The following STARD9 variants were observed in gnomAD, a reference collection of about 807,000 sequenced individuals.
The protein encoded by STARD9 is StAR related lipid transfer domain containing 9.
A neutral mutation model predicts 399.8 loss-of-function variants in STARD9; 346 were observed. The ratio of observed to expected loss-of-function variants is 0.87; its 90% CI spans 0.79 to 0.95. The LOEUF is 0.95. STARD9 is among the 40% of genes least tolerant of loss of function. STARD9 has a pLI of 0.00. For synonymous variants in STARD9, 2,203 were observed against 2,143.5 expected (o/e 1.03, Z -0.77); for missense variants, 5,832 against 5,667.5 (o/e 1.03, Z -0.93).
At chr15:42,678,830 G>T (rs1396096868) in intron 20 of STARD9, among the ~76,000 whole-genome samples, 1 of 152,216 alleles carries the variant, frequency 6.6e-6, no homozygotes, top group Non-Finnish European at 1.5e-5. Flanking sequence ...CAGACATGTA[G>T]TATAAGGTTG....
rs144291102 is a variant in STARD9, at chr15:42,620,421, C to T, written c.235-14435C>T. On this transcript the variant is annotated intron_variant, in intron 3 of 32. Coordinates refer to ENST00000290607, the MANE Select transcript of STARD9 (RefSeq NM_020759.3). ...GTTTGAGCCTGGGAGGTCAAGGCTG[C>T]AGTGAGCTGTGATCACACCACTTCA... Among the ~76,000 whole-genome samples the T allele has an allele frequency of 4.0e-3, 604 of 151,740 alleles. 5 individuals carry two copies. Among genetic ancestry groups the T allele is most frequent in the African/African-American group, 0.014 (578 of 41,338 alleles).
In STARD9 at chr15:42,685,220, G is replaced by A. The variant is rs2060521424; in HGVS notation, c.3642G>A (p.Leu1214=). The A allele has an allele frequency of 6.5e-7, 1 of 1,537,272 alleles. No homozygotes were observed. Among genetic ancestry groups the A allele is most frequent in the Non-Finnish European group, 8.7e-7 (1 of 1,146,932 alleles). Residue 1214 remains leucine (L), a synonymous_variant, in exon 23 of 33, where the codon CTG becomes CTA. Transcript: ENST00000290607. ...LDSLIDAEEE[L]GEDQQEEPFP... ...GCCTGATTGATGCAGAGGAAGAACT[G>A]GGGGAAGATCAGCAAGAAGAACCTT...
At chr15:42,657,123 G>A (rs1302118905) in intron 9 of STARD9, among the ~76,000 whole-genome samples, 6 of 152,114 alleles carry the variant, frequency 3.9e-5, no homozygotes, top group African/African-American at 1.4e-4. Flanking sequence ...TTGGGAAGCC[G>A]AGGTGGATGG....
chr15:42,658,886 G>C (rs2059933677), intron 9 of STARD9, among the ~76,000 whole-genome samples: 1 of 152,178 alleles, frequency 6.6e-6, no homozygotes, highest in Admixed American at 6.5e-5. Context: ...GCCAAGGTGG[G>C]TGGATCACTT....
In STARD9 at chr15:42,693,850, C is replaced by A. The variant is rs1238140666; in HGVS notation, c.12272C>A (p.Ser4091Tyr). Residue 4091 changes from serine to tyrosine, a missense_variant, in exon 23 of 33, where the codon TCT becomes TAT. By Grantham distance (144) the Ser-to-Tyr change is moderately radical. Around this residue, in one of 2 missense-constraint regions of STARD9, gnomAD observed 5,828 missense variants for 5,651.1 expected, o/e 1.03. Coordinates refer to ENST00000290607, the MANE Select transcript of STARD9 (RefSeq NM_020759.3). Reference protein sequence around the residue: ...GLQHLSPCPVSELTDTAGLRG... With the variant: ...GLQHLSPCPVYELTDTAGLRG... ...CAGCACCTCAGCCCCTGCCCTGTCTCTGAGTTGACTGATACTGCAGGGCTC... is the reference window on the plus strand; with the variant it reads ...CAGCACCTCAGCCCCTGCCCTGTCTATGAGTTGACTGATACTGCAGGGCTC... 1 of 1,536,798 alleles carries A rather than the reference C, an allele frequency of 6.5e-7. No individual in the cohort carries two copies. The highest frequency in any genetic ancestry group is 8.7e-7 in the Non-Finnish European group (1 of 1,146,742).
chr15:42,694,677 G>A lies in STARD9; in HGVS notation c.12914G>A (p.Arg4305His), dbSNP rs1400343040. The A allele has an allele frequency of 7.2e-6, 11 of 1,537,034 alleles. No individual in the cohort carries two copies. Among genetic ancestry groups the A allele is most frequent in the Non-Finnish European group, 7.0e-6 (8 of 1,146,908 alleles). The part of the protein sequence containing the change: ...FIWDLDLPSR[R>H]REYLQQLRKD... ...TGGGATCTTGACTTGCCCAGCAGAC[G>A]CCGAGAATACCTGCAGCAACTGAGG... Residue 4305 changes from arginine to histidine, a missense_variant, in exon 24 of 33, where the codon CGC becomes CAC. Around this residue, in one of 2 missense-constraint regions of STARD9, gnomAD observed 5,828 missense variants for 5,651.1 expected, o/e 1.03. Coordinates refer to ENST00000290607, the MANE Select transcript of STARD9 (RefSeq NM_020759.3).
At chr15:42,594,085 G>A (rs1196906320) in intron 3 of STARD9, among the ~76,000 whole-genome samples, 1 of 151,742 alleles carries the variant, frequency 6.6e-6, no homozygotes, top group Non-Finnish European at 1.5e-5. Flanking sequence ...AAGTGAGAGT[G>A]AGAGAGACAG....
chr15:42,685,465 A>C lies in STARD9; in HGVS notation c.3887A>C (p.His1296Pro). The C allele has an allele frequency of 2.0e-6, 3 of 1,530,886 alleles. No homozygotes were observed. The highest frequency in any genetic ancestry group is 2.6e-6 in the Non-Finnish European group (3 of 1,143,788). The allele number at this position is 1,530,886 out of a possible 1,614,324, so 94.8% of individuals were successfully genotyped here. A position where few individuals can be genotyped will look rare whatever the true frequency, so the allele number is the denominator to read the frequency against. Residue 1296 changes from histidine (H) to proline (P), a missense_variant, in exon 23 of 33, where the codon CAT becomes CCT. By Grantham distance (77) the His-to-Pro change is moderately conservative. This residue lies in a region of STARD9 where 5,828 missense variants were observed against 5,651.1 expected (regional missense o/e 1.03). Transcript: ENST00000290607. ...ELQPHCELQP[H>P]CELQPHCEQA... The stretch of plus-strand genomic sequence containing the variant: ...CAACCCCATTGTGAGCTCCAACCCC[A>C]TTGTGAGCTCCAGCCCCATTGTGAG...
Position 42,622,755 on chromosome 15 carries a change from TGTGACATG to T in STARD9, c.235-12098_235-12091del, listed in dbSNP as rs1483083387. 3.9e-5 allele frequency among the ~76,000 whole-genome samples: 6 copies of T among 152,294 alleles called. No individual in the cohort carries two copies. The East Asian group carries it at 1.2e-3, about 29-fold the overall frequency. On this transcript the variant is annotated intron_variant, in intron 3 of 32. Transcript: ENST00000290607. ...TACAAAGATTTTTCAGAGGGAGTCA[TGTGACATG>T]GTTGTTCTCCTGTTTTGTCCAGAGC...
chr15:42,682,711 C>T (rs2060461354), intron 22 of STARD9, 136 bp downstream of exon 22: 1 of 741,060 alleles, frequency 1.3e-6, no homozygotes, highest in South Asian at 2.0e-5. Flanking sequence ...CTCTCTTCCT[C>T]ATGACTTTTT....
chr15:42,651,170 A>G, intron 8 of STARD9, 85 bp downstream of exon 8: 1 of 982,452 alleles, frequency 1.0e-6, no homozygotes, highest in Non-Finnish European at 1.5e-6. Flanking sequence ...GTGTATAATG[A>G]CACTTAAAAT....
In STARD9 at chr15:42,662,784, T is replaced by C. The variant is rs1264150123; in HGVS notation, c.771-10T>C. The C allele has an allele frequency of 4.6e-6, 7 of 1,532,176 alleles. No homozygotes were observed. The South Asian group carries it at 8.4e-5, about 18-fold the overall frequency. The allele number at this position is 1,532,176 out of a possible 1,614,324, so 94.9% of individuals were successfully genotyped here. On this transcript the variant is annotated splice_polypyrimidine_tract_variant and intron_variant, in intron 10 of 32. Transcript: ENST00000290607. The stretch of plus-strand genomic sequence containing the variant: ...GCTTTTGTTTTTGTTTTTCATTGAC[T>C]GTGTTTTAGCGAAAGAGCAGATCCC...
chr15:42,621,000 C>T (rs147950526), intron 3 of STARD9, among the ~76,000 whole-genome samples: 79 of 152,138 alleles, frequency 5.2e-4, no homozygotes, highest in African/African-American at 1.6e-3. Context: ...GTGATCCACC[C>T]GCCTCAGCCT....
intron 3 of STARD9, among the ~76,000 whole-genome samples, chr15:42,624,367 T>C (rs553836839): frequency 7.9e-5 from 12 of 152,224 alleles, no homozygotes; most frequent in African/African-American, 2.9e-4. Flanking sequence ...CAGCTTAGTA[T>C]CCTCATTATA....
At chr15:42,599,709 G>A (rs557724873) in intron 3 of STARD9, among the ~76,000 whole-genome samples, 2 of 152,246 alleles carry the variant, frequency 1.3e-5, no homozygotes, top group South Asian at 4.1e-4. Flanking sequence ...AACATGCCAC[G>A]TTTCCTAGCA....
chr15:42,615,027 T>TTTC (rs1332334873), intron 3 of STARD9, among the ~76,000 whole-genome samples: 3 of 146,994 alleles, frequency 2.0e-5, no homozygotes, highest in Non-Finnish European at 3.0e-5. Context: ...TTTTTTTTTT[T>TTTC]TCCAGGAGTC....
intron 7 of STARD9, among the ~76,000 whole-genome samples, chr15:42,643,602 T>C (rs1595695410): frequency 7.1e-6 from 1 of 141,206 alleles, no homozygotes; most frequent in African/African-American, 3.2e-5. Flanking sequence ...GCGATTCTCC[T>C]GCCTCGGCTG....
At position 42,682,188 on chromosome 15, in the gene STARD9, T is replaced by C. The variant is rs2060445054; in HGVS notation, c.2150T>C (p.Leu717Pro). The C allele has an allele frequency of 6.5e-7, 1 of 1,537,224 alleles. No homozygotes were observed. The highest frequency in any genetic ancestry group is 8.7e-7 in the Non-Finnish European group (1 of 1,146,890). Reference sequence around the variant, plus strand: ...GAAGACCAGGTAGCAGAGAAAGAACTTGAGGCATCTGTGGCACTTGATGCT... The same window carrying C: ...GAAGACCAGGTAGCAGAGAAAGAACCTGAGGCATCTGTGGCACTTGATGCT... ...QQEDQVAEKE[L>P]EASVALDAWL... The change falls in exon 22 of 33, where the codon CTT becomes CCT. Residue 717 changes from leucine (L) to proline (P), a missense_variant. Leu to Pro is a moderately conservative substitution (Grantham distance 98, BLOSUM62 -3). Around this residue, in one of 2 missense-constraint regions of STARD9, gnomAD observed 5,828 missense variants for 5,651.1 expected, o/e 1.03. Coordinates refer to ENST00000290607, the MANE Select transcript of STARD9 (RefSeq NM_020759.3).
chr15:42,636,409 A>G (rs1026497029), intron 4 of STARD9, among the ~76,000 whole-genome samples: 3 of 151,846 alleles, frequency 2.0e-5, no homozygotes, highest in African/African-American at 4.8e-5. Flanking sequence ...GGTGAAACCA[A>G]GTCTTTACTA....
Sources: allele counts gnomAD v4.1 joint callset (sites outside exome capture counted in the v4.1 genomes callset), GRCh38; gene constraint gnomAD v4.1.1; regional missense constraint gnomAD v4.1.1; transcripts MANE v1.5; gene names NCBI Gene and HGNC (gene_info 2026-07-23, HGNC 2026-07-21).